The following OR1B1 variants were observed in gnomAD, a reference collection of about 807,000 sequenced individuals.
OR1B1 encodes the protein olfactory receptor family 1 subfamily B member 1, also known as olfactory receptor 1B1.
For missense variants in OR1B1, 414 were observed against 402.1 expected, an observed-to-expected ratio of 1.03 and a Z score of -0.25; for synonymous variants, 168 against 156.2, an observed-to-expected ratio of 1.08 and a Z score of -0.57.
At chr9:122,635,568 T>A in the OR1B1 span, among the ~76,000 whole-genome samples, 1 of 152,240 alleles carries the variant, frequency 6.6e-6, no homozygotes, top group Non-Finnish European at 1.5e-5. Context: ...ATAATGGATA[T>A]GTTAATTTGC....
chr9:122,651,059 G>GA, the OR1B1 span, among the ~76,000 whole-genome samples: 2 of 152,022 alleles, frequency 1.3e-5, no homozygotes, highest in African/African-American at 4.8e-5. Flanking sequence ...AAGTAAACAT[G>GA]AAATAATTAT....
the OR1B1 span, among the ~76,000 whole-genome samples, chr9:122,650,247 C>T: frequency 4.0e-5 from 6 of 151,794 alleles, no homozygotes; most frequent in African/African-American, 1.2e-4. Context: ...CGGGGCCTGT[C>T]GGTGGGTGGG....
chr9:122,637,152 G>A, the OR1B1 span: 1 of 151,962 alleles, frequency 6.6e-6, no homozygotes. Context: ...AGAGGGATGC[G>A]ACTGTCTTCA....
upstream of OR1B1, among the ~76,000 whole-genome samples, chr9:122,632,877 G>A (rs1037244275): frequency 2.0e-5 from 3 of 152,270 alleles, no homozygotes; most frequent in Non-Finnish European, 2.9e-5. Flanking sequence ...ACCCAAGACT[G>A]GGCAATTTAG....
At chr9:122,642,836 CTT>C in the OR1B1 span, among the ~76,000 whole-genome samples, 710 of 152,242 alleles carry the variant, frequency 4.7e-3, 6 homozygotes, top group African/African-American at 0.016. Flanking sequence ...GGCTATAACA[CTT>C]ATACATTCTG....
chr9:122,657,504 A>G, the OR1B1 span, among the ~76,000 whole-genome samples: 1 of 152,330 alleles, frequency 6.6e-6, no homozygotes, highest in Non-Finnish European at 1.5e-5. Context: ...CTTTTAGAAC[A>G]GATTACAGAA....
At chr9:122,646,011 A>G in the OR1B1 span, among the ~76,000 whole-genome samples, 980 of 152,300 alleles carry the variant, frequency 6.4e-3, 8 homozygotes, top group African/African-American at 0.022. Context: ...ACAATAAGAC[A>G]TAAAGAGAAA....
At chr9:122,635,962 A>T in the OR1B1 span, among the ~76,000 whole-genome samples, 1 of 152,250 alleles carries the variant, frequency 6.6e-6, no homozygotes, top group Non-Finnish European at 1.5e-5. Context: ...GAGAGAAAAT[A>T]ATGACCAAAC....
At chr9:122,655,055 C>T in the OR1B1 span, among the ~76,000 whole-genome samples, 1 of 152,198 alleles carries the variant, frequency 6.6e-6, no homozygotes, top group Non-Finnish European at 1.5e-5. Context: ...ATAAATTACA[C>T]AATTATTATT....
chr9:122,641,512 G>C, the OR1B1 span, among the ~76,000 whole-genome samples: 1 of 152,090 alleles, frequency 6.6e-6, no homozygotes, highest in South Asian at 2.1e-4. Flanking sequence ...AGTAAGAATG[G>C]AAATGCAGGG....
exon 1 of OR1B1, chr9:122,629,344 C>A: frequency 6.2e-7 from 1 of 1,614,030 alleles, no homozygotes; most frequent in Non-Finnish European, 8.5e-7. Flanking sequence ...GGCCACGAAG[C>A]AGATAATACA....
chr9:122,655,535 T>G, the OR1B1 span, among the ~76,000 whole-genome samples: 5 of 152,152 alleles, frequency 3.3e-5, no homozygotes, highest in Admixed American at 1.3e-4. Flanking sequence ...TCATGTCCTT[T>G]GTAGGGACAT....
the OR1B1 span, among the ~76,000 whole-genome samples, chr9:122,648,102 C>CA: frequency 6.6e-6 from 1 of 151,702 alleles, no homozygotes; most frequent in East Asian, 1.9e-4. Context: ...AGAGATACAA[C>CA]AAAAAAAGAA....
the OR1B1 span, chr9:122,637,056 T>C: frequency 1.3e-5 from 2 of 152,334 alleles, no homozygotes; most frequent in East Asian, 3.9e-4. Context: ...CATTAGAATA[T>C]AAAAATTTTA....
chr9:122,643,970 A>G, the OR1B1 span, among the ~76,000 whole-genome samples: 1 of 152,112 alleles, frequency 6.6e-6, no homozygotes, highest in Non-Finnish European at 1.5e-5. Flanking sequence ...CCCAGGGAGG[A>G]CACTGTGGGC....
chr9:122,647,352 C>T, the OR1B1 span, among the ~76,000 whole-genome samples: 2 of 151,532 alleles, frequency 1.3e-5, no homozygotes, highest in African/African-American at 4.8e-5. Context: ...ACCAGTGGGT[C>T]GATGATAATG....
upstream of OR1B1, among the ~76,000 whole-genome samples, chr9:122,630,180 A>G (rs911619449): frequency 3.9e-5 from 6 of 152,254 alleles, no homozygotes; most frequent in African/African-American, 1.4e-4. Context: ...AGAGGAAGCC[A>G]AATTATCCAT....
At chr9:122,654,314 CA>C in the OR1B1 span, among the ~76,000 whole-genome samples, 1 of 152,130 alleles carries the variant, frequency 6.6e-6, no homozygotes, top group Admixed American at 6.5e-5. Flanking sequence ...TCCTGAACCA[CA>C]ACTTGGAGAA....
upstream of OR1B1, chr9:122,629,692 G>T (rs10985742): frequency 0.23 from 124,867 of 552,338 alleles, 15,508 homozygotes; most frequent in South Asian, 0.39. Flanking sequence ...CCTCCCTAAG[G>T]TCTAGGATTT....
Sources: gnomAD v4.1 joint callset for allele counts (sites outside exome capture counted in the v4.1 genomes callset) on GRCh38, gnomAD v4.1.1 for gene constraint, MANE v1.5 for transcripts, NCBI Gene and HGNC (gene_info 2026-07-23, HGNC 2026-07-21) for gene names.